NBEA: variants seen among roughly 807,000 people sequenced by gnomAD.
The protein encoded by NBEA is lysosomal-trafficking regulator 2.
A neutral mutation model predicts 343.4 loss-of-function variants in NBEA; 44 were observed. That is an observed-to-expected ratio of 0.13 (90% CI 0.10 to 0.16). NBEA has a LOEUF of 0.16. Among genes scored for constraint, NBEA ranks in the 10% least tolerant of loss-of-function variants. NBEA has a pLI of 1.00. For missense variants in NBEA, 2,555 were observed against 3,631.3 expected (o/e 0.70, Z 7.62); for synonymous variants, 1,175 against 1,238.7 (o/e 0.95, Z 1.08).
chr13:35,032,779 G>A (rs117916810), intron 1 of NBEA, among the ~76,000 whole-genome samples: 4,297 of 151,640 alleles, frequency 0.028, 92 homozygotes, highest in Non-Finnish European at 0.043. Context: ...TCTTTCATAT[G>A]CCCATTTGCC....
chr13:35,597,453 T>C (rs2081857911), intron 47 of NBEA, among the ~76,000 whole-genome samples: 1 of 152,196 alleles, frequency 6.6e-6, no homozygotes, highest in Non-Finnish European at 1.5e-5. Context: ...ACAGCAGTTA[T>C]CTTAAGCATG....
rs764867943 is a variant in NBEA, at chr13:35,628,240, C to A, written c.7609C>A (p.Leu2537Ile). 26 of 1,599,148 alleles carry A rather than the reference C, an allele frequency of 1.6e-5. 2 individuals carry two copies. The South Asian group carries it at 2.6e-4, about 16-fold the overall frequency. Residue 2537 changes from leucine (L) to isoleucine (I), a missense_variant, in exon 49 of 59, where the codon CTC (leucine) becomes ATC (isoleucine). By Grantham distance (5) the Leu-to-Ile change is conservative. This residue lies in a region of NBEA where 87 missense variants were observed against 75.0 expected (regional missense o/e 1.16). Transcript: ENST00000379939. The stretch of plus-strand genomic sequence containing the variant: ...CCTGGATAGTATCACTGATCCTGTG[C>A]TCAGGGAGGTAGGTGTTAAATCCCA... ...VNLDSITDPVLREIPEAYFIR... is the reference protein window; with the variant it reads ...VNLDSITDPVIREIPEAYFIR...
intron 48 of NBEA, 44 bp from the exon 49 acceptor site, chr13:35,628,037 A>T (rs893255522): frequency 1.3e-6 from 2 of 1,506,210 alleles, no homozygotes; most frequent in Admixed American, 2.0e-5. Flanking sequence ...ATGAAGGTGT[A>T]CTAAGTTTTG....
intron 25 of NBEA, 141 bp downstream of exon 25, chr13:35,169,136 G>A (rs1455102940): frequency 3.7e-6 from 2 of 534,528 alleles, no homozygotes; most frequent in African/African-American, 2.0e-5. Context: ...ATTTAAAAGA[G>A]TCATTGAAAG....
chr13:35,197,489 G>A (rs144377707), intron 31 of NBEA, among the ~76,000 whole-genome samples: 213 of 151,940 alleles, frequency 1.4e-3, no homozygotes, highest in Admixed American at 3.3e-3. Flanking sequence ...AGGATGTGGC[G>A]GTATAGTCAT....
intron 1 of NBEA, among the ~76,000 whole-genome samples, chr13:34,999,173 C>T (rs1227646165): frequency 6.6e-6 from 1 of 151,876 alleles, no homozygotes; most frequent in African/African-American, 2.4e-5. Flanking sequence ...TTCTTTTGTT[C>T]TATTGTTTGG....
chr13:35,028,675 G>A (rs374144417), intron 1 of NBEA, among the ~76,000 whole-genome samples: 4 of 151,598 alleles, frequency 2.6e-5, no homozygotes, highest in African/African-American at 9.7e-5. Flanking sequence ...TTCCAGTACT[G>A]TGTTGAATAG....
chr13:35,155,786 C>G lies in NBEA; in HGVS notation c.2458C>G (p.Gln820Glu). The change falls in exon 19 of 59, where the codon CAA becomes GAA. Residue 820 changes from glutamine to glutamate, a missense_variant. Gln to Glu is a conservative substitution (Grantham distance 29). Transcript: ENST00000379939. ...CTTCATTTTTCAGATCTTGACAGAACAAGTATGTACTCAGGTCGTACACAA... is the reference window on the plus strand; with the variant it reads ...CTTCATTTTTCAGATCTTGACAGAAGAAGTATGTACTCAGGTCGTACACAA... The part of the protein sequence containing the change: ...YNTLYEILTE[Q>E]VCTQVVHKPH... 6.2e-7 allele frequency: 1 copy of G among 1,608,040 alleles called. No homozygotes were observed. The highest frequency in any genetic ancestry group is 8.5e-7 in the Non-Finnish European group (1 of 1,174,806).
intron 34 of NBEA, chr13:35,251,049 A>C (rs1417007612): frequency 1.2e-5 from 2 of 160,502 alleles, no homozygotes; most frequent in Non-Finnish European, 2.7e-5. Flanking sequence ...CCACAGAAGA[A>C]AACATGGCTG....
rs750718528 is a variant in NBEA at position 35,439,558 on chromosome 13, G to C, written c.6304+7165G>C. Among the ~76,000 whole-genome samples, 4 of 152,160 alleles carry C rather than the reference G, an allele frequency of 2.6e-5. No individual in the cohort carries two copies. In the South Asian group the frequency reaches 8.3e-4, roughly 32 times the overall value. ...AGTCACTTCATAAAGGTTTCAGAAG[G>C]TATTTTTATTTTAGATGTCTCATAT... On this transcript the variant is annotated intron_variant, in intron 39 of 58. Coordinates refer to ENST00000379939, the MANE Select transcript of NBEA (RefSeq NM_001385012.1).
chr13:35,237,226 G>A (rs2075280870), intron 34 of NBEA, among the ~76,000 whole-genome samples: 1 of 152,068 alleles, frequency 6.6e-6, no homozygotes, highest in Non-Finnish European at 1.5e-5. Context: ...CTGCACTCCA[G>A]CCTGGGCACC....
chr13:35,506,253 G>A (rs929018852), intron 41 of NBEA, among the ~76,000 whole-genome samples: 3 of 151,984 alleles, frequency 2.0e-5, no homozygotes, highest in Admixed American at 6.6e-5. Flanking sequence ...TATTTTTGTA[G>A]AGAATAGGTC....
At chr13:35,184,610 T>A (rs1402615817) in intron 30 of NBEA, among the ~76,000 whole-genome samples, 1 of 151,920 alleles carries the variant, frequency 6.6e-6, no homozygotes, top group Admixed American at 6.6e-5. Flanking sequence ...AATCAGTGAA[T>A]AGAAACAGAT....
At position 35,164,362 on chromosome 13, in the gene NBEA, T is replaced by C. The variant is rs2152715612; in HGVS notation, c.4086T>C (p.Ser1362=). The C allele has an allele frequency of 6.3e-7, 1 of 1,578,072 alleles. No individual in the cohort carries two copies. The highest frequency in any genetic ancestry group is 8.6e-7 in the Non-Finnish European group (1 of 1,159,842). ...TCTGTTTTCTGTATTTTAGCCATTC[T>C]ACAAAGTCTGTAATGGATTTTGTCA... ...ETDVHVWRSH[S]TKSVMDFVNS... The change falls in exon 24 of 59, where the codon TCT becomes TCC. Residue 1362 remains serine (S), a synonymous_variant. Coordinates refer to ENST00000379939, the MANE Select transcript of NBEA (RefSeq NM_001385012.1).
chr13:35,516,863 T>C (rs184838572), intron 41 of NBEA, among the ~76,000 whole-genome samples: 1 of 152,316 alleles, frequency 6.6e-6, no homozygotes, highest in East Asian at 1.9e-4. Flanking sequence ...TAGATATCAT[T>C]ATCACTGTTT....
intron 31 of NBEA, among the ~76,000 whole-genome samples, chr13:35,197,556 C>A (rs1286529603): frequency 6.6e-6 from 1 of 151,758 alleles, no homozygotes; most frequent in African/African-American, 2.4e-5. Flanking sequence ...CTCACTCTGT[C>A]ACCCAGGCTA....
intron 10 of NBEA, among the ~76,000 whole-genome samples, chr13:35,082,761 G>T (rs527636159): frequency 1.3e-5 from 2 of 152,052 alleles, no homozygotes; most frequent in Non-Finnish European, 2.9e-5. Context: ...TTTTTGATGG[G>T]GTTGTTTGTT....
intron 38 of NBEA, among the ~76,000 whole-genome samples, chr13:35,427,825 C>T (rs139521212): frequency 0.013 from 2,054 of 152,290 alleles, 59 homozygotes; most frequent in African/African-American, 0.047. Context: ...AATCAATTCT[C>T]AGCAATGGCG....
chr13:35,655,450 C>T, intron 54 of NBEA, 129 bp from the exon 55 acceptor site: 1 of 1,066,988 alleles, frequency 9.4e-7, no homozygotes, highest in Non-Finnish European at 1.3e-6. Flanking sequence ...CATAGATGAA[C>T]TTTTCACAAA....
Sources: gnomAD v4.1 joint callset for allele counts (sites outside exome capture counted in the v4.1 genomes callset) on GRCh38, gnomAD v4.1.1 for gene constraint, gnomAD v4.1.1 regional missense constraint, MANE v1.5 for transcripts, NCBI Gene and HGNC (gene_info 2026-07-23, HGNC 2026-07-21) for gene names.